Variants in PCDH7 observed in about 807,000 individuals in gnomAD.
PCDH7 encodes the protein protocadherin-7.
Under a neutral mutation model 58.9 loss-of-function variants are expected in PCDH7, and 17 were observed. The observed-to-expected ratio is 0.29, with a 90% CI of 0.20 to 0.43. PCDH7 has a LOEUF of 0.43. PCDH7 is among the 20% of genes least tolerant of loss of function. The pLI, the probability that PCDH7 is intolerant of heterozygous loss-of-function variation, is 1.00. For synonymous variants in PCDH7, 664 were observed against 616.4 expected (o/e 1.08, Z -1.14); for missense variants, 1,274 against 1,441.0 (o/e 0.88, Z 1.88).
chr4:30,968,819 G>A (rs1749281412), intron 3 of PCDH7, among the ~76,000 whole-genome samples: 1 of 152,068 alleles, frequency 6.6e-6, no homozygotes, highest in African/African-American at 2.4e-5. Context: ...GCTCTATAGT[G>A]GCATAGGATA....
intron 3 of PCDH7, among the ~76,000 whole-genome samples, chr4:31,032,639 A>G: frequency 8.0e-6 from 1 of 124,462 alleles, no homozygotes; most frequent in African/African-American, 3.1e-5. Context: ...AGAGAAAGAA[A>G]GCGACAGAGA....
chr4:30,802,468 G>A (rs1345876742), intron 1 of PCDH7, among the ~76,000 whole-genome samples: 1 of 151,994 alleles, frequency 6.6e-6, no homozygotes, highest in African/African-American at 2.4e-5. Flanking sequence ...AAAAGTTAGA[G>A]GTTGAACAGG....
chr4:31,108,755 A>G (rs1279931633), intron 3 of PCDH7, among the ~76,000 whole-genome samples: 1 of 152,146 alleles, frequency 6.6e-6, no homozygotes, highest in Non-Finnish European at 1.5e-5. Flanking sequence ...TCACAACTAC[A>G]CATTGAGCAT....
At chr4:30,999,256 G>A (rs1007496639) in intron 3 of PCDH7, among the ~76,000 whole-genome samples, 3 of 152,022 alleles carry the variant, frequency 2.0e-5, no homozygotes, top group African/African-American at 7.2e-5. Flanking sequence ...TCCTTATCAG[G>A]ACAATGAAAA....
intron 1 of PCDH7, among the ~76,000 whole-genome samples, chr4:30,806,512 G>T (rs1472245783): frequency 6.6e-6 from 1 of 151,686 alleles, no homozygotes; most frequent in Non-Finnish European, 1.5e-5. Flanking sequence ...CACCATGTTG[G>T]TCAGGCTGGT....
At chr4:31,030,133 T>TTGTGTGTGTGCA (rs11274879) in intron 3 of PCDH7, among the ~76,000 whole-genome samples, 79,355 of 147,514 alleles carry the variant, frequency 0.54, 24,921 homozygotes, top group African/African-American at 0.86. Flanking sequence ...GTGTGTATGT[T>TTGTGTGTGTGCA]TGTGTGTGTG....
At chr4:31,140,969 T>C (rs888274131) in intron 3 of PCDH7, among the ~76,000 whole-genome samples, 2 of 152,150 alleles carry the variant, frequency 1.3e-5, no homozygotes, top group Non-Finnish European at 2.9e-5. Flanking sequence ...TGTTAACGCT[T>C]AGTCAAGGGC....
At chr4:30,923,896 G>A (rs182625586) in intron 2 of PCDH7, among the ~76,000 whole-genome samples, 1 of 152,160 alleles carries the variant, frequency 6.6e-6, no homozygotes, top group Non-Finnish European at 1.5e-5. Flanking sequence ...GAGTTTATGG[G>A]GGAAATAGGT....
intron 1 of PCDH7, among the ~76,000 whole-genome samples, chr4:30,802,606 C>A (rs1028532705): frequency 4.0e-5 from 6 of 151,780 alleles, no homozygotes; most frequent in Admixed American, 6.6e-5. Context: ...AATAAAGATG[C>A]AGATAAATTT....
chr4:31,004,853 C>T (rs1364983026), intron 3 of PCDH7, among the ~76,000 whole-genome samples: 1 of 151,938 alleles, frequency 6.6e-6, no homozygotes, highest in Non-Finnish European at 1.5e-5. Flanking sequence ...TTAATATGCC[C>T]TAGATCACAC....
chr4:31,142,724 A>T, exon 4 of PCDH7: 1 of 1,367,698 alleles, frequency 7.3e-7, no homozygotes, highest in Non-Finnish European at 9.8e-7. Context: ...ATCCTATGAG[A>T]CCTTCAGTGC....
chr4:30,999,933 A>G (rs375360835), intron 3 of PCDH7, among the ~76,000 whole-genome samples: 102 of 152,300 alleles, frequency 6.7e-4, no homozygotes, highest in African/African-American at 2.4e-3. Context: ...AGGAATGGCA[A>G]CATTTGTATA....
intron 1 of PCDH7, among the ~76,000 whole-genome samples, chr4:30,900,175 C>G (rs1379776938): frequency 6.6e-6 from 1 of 152,088 alleles, no homozygotes; most frequent in African/African-American, 2.4e-5. Context: ...CCCATTTTCC[C>G]CCCATATTAG....
intron 1 of PCDH7, among the ~76,000 whole-genome samples, chr4:30,730,115 A>G (rs1054063579): frequency 3.3e-5 from 5 of 151,544 alleles, no homozygotes; most frequent in African/African-American, 1.2e-4. Context: ...TATATACAGT[A>G]TTTTAAATAT....
intron 1 of PCDH7, among the ~76,000 whole-genome samples, chr4:30,849,166 G>C (rs1473920833): frequency 6.6e-6 from 1 of 152,044 alleles, no homozygotes; most frequent in Non-Finnish European, 1.5e-5. Context: ...CCATCCAAGA[G>C]AGCATACTGT....
At chr4:30,752,807 GAAAAAGAAA>G (rs1444314026) in intron 1 of PCDH7, among the ~76,000 whole-genome samples, 4 of 127,346 alleles carry the variant, frequency 3.1e-5, no homozygotes, top group Admixed American at 7.8e-5. Flanking sequence ...AAAAAAGAAA[GAAAAAGAAA>G]AAAAAGAAAA....
intron 3 of PCDH7, among the ~76,000 whole-genome samples, chr4:31,056,677 AAG>A (rs938614039): frequency 8.8e-6 from 1 of 113,252 alleles, no homozygotes; most frequent in Non-Finnish European, 2.0e-5. Context: ...GAGAAAGAGA[AAG>A]AGAGAGGAGA....
At chr4:30,775,992 T>C (rs375920734) in intron 1 of PCDH7, among the ~76,000 whole-genome samples, 45 of 152,148 alleles carry the variant, frequency 3.0e-4, no homozygotes, top group Non-Finnish European at 4.6e-4. Context: ...CTCTAAGACA[T>C]AGAATGTTGG....
downstream of PCDH7, chr4:31,143,226 A>G (rs1720462727): frequency 6.3e-6 from 1 of 159,140 alleles, no homozygotes; most frequent in Non-Finnish European, 1.4e-5. Context: ...ATTATCCCTA[A>G]GCTGAAGCAT....
Sources: gnomAD v4.1 joint callset for allele counts (sites outside exome capture counted in the v4.1 genomes callset) on GRCh38, gnomAD v4.1.1 for gene constraint, MANE v1.5 for transcripts, NCBI Gene and HGNC (gene_info 2026-07-23, HGNC 2026-07-21) for gene names.